The following KDM3B variants were observed in gnomAD, a reference collection of about 807,000 sequenced individuals.
KDM3B encodes lysine demethylase 3B.
A neutral mutation model predicts 170.0 loss-of-function variants in KDM3B; 10 were observed. That is an observed-to-expected ratio of 0.06 (90% CI 0.04 to 0.10). The LOEUF (loss-of-function observed/expected upper bound fraction) is 0.10, where lower values mean the gene tolerates loss of function less well. Among genes scored for constraint, KDM3B ranks in the 10% least tolerant of loss-of-function variants. The pLI, the probability that KDM3B is intolerant of heterozygous loss-of-function variation, is 1.00. For missense variants in KDM3B, 1,394 were observed against 2,195.2 expected (o/e 0.64, Z 7.29); for synonymous variants, 831 against 834.8 (o/e 1.00, Z 0.08).
At chr5:138,356,831 A>G (rs1382538761) in intron 1 of KDM3B, among the ~76,000 whole-genome samples, 2 of 151,250 alleles carry the variant, frequency 1.3e-5, no homozygotes, top group Non-Finnish European at 2.9e-5. Flanking sequence ...TTTAGTAGAG[A>G]TGGGGTTTCA....
Position 138,430,440 on chromosome 5 carries a change from G to A in KDM3B, c.5070+15G>A. ...CCCCACACCAGGTGGGTTCCTGCTT[G>A]GGGGTTGGGCTGAACAGTTCCATGG... On this transcript the variant is annotated intron_variant, in intron 22 of 23. Coordinates refer to ENST00000314358, the MANE Select transcript of KDM3B (RefSeq NM_016604.4). 1.2e-6 allele frequency: 2 copies of A among 1,612,178 alleles called. No homozygotes were observed. Among genetic ancestry groups the A allele is most frequent in the Non-Finnish European group, 8.5e-7 (1 of 1,178,432 alleles).
In KDM3B at chr5:138,352,870, G is replaced by C. The variant is rs1319797844; in HGVS notation, c.75G>C (p.Ser25=). Residue 25 remains serine, a synonymous_variant, in exon 1 of 24, where the codon TCG becomes TCC. Transcript: ENST00000314358. Reference sequence around the variant, plus strand: ...TCGCGGACACTGCGGCCTCAGCCTCGGCCTCGGCTCCCGCGGCGGCAGCGG... The same window carrying C: ...TCGCGGACACTGCGGCCTCAGCCTCCGCCTCGGCTCCCGCGGCGGCAGCGG... ...LLFADTAASA[S]ASAPAAAAAS... The C allele has an allele frequency of 7.3e-7, 1 of 1,376,932 alleles. No individual in the cohort carries two copies. Among genetic ancestry groups the C allele is most frequent in the Non-Finnish European group, 9.4e-7 (1 of 1,062,026 alleles). The allele number at this position is 1,376,932 out of a possible 1,614,324, so 85.3% of individuals were successfully genotyped here.
Position 138,419,219 on chromosome 5 carries a change from A to G in KDM3B, c.3702A>G (p.Lys1234=). 1 of 1,613,404 alleles carries G rather than the reference A, an allele frequency of 6.2e-7. No homozygotes were observed. Among genetic ancestry groups the G allele is most frequent in the Non-Finnish European group, 8.5e-7 (1 of 1,179,448 alleles). Residue 1234 remains lysine, a synonymous_variant, in exon 14 of 24, where the codon AAA becomes AAG. Transcript: ENST00000314358. ...WLADLATQKA[K]EETKEAGSLR... ...CAGATTTAGCAACTCAGAAGGCTAA[A>G]GAAGAAACAAAAGGTGAGATGCACA... is the stretch of plus-strand genomic sequence containing the variant.
chr5:138,435,854 C>T lies in KDM3B; in HGVS notation c.*154C>T. 3.2e-6 allele frequency: 2 copies of T among 625,474 alleles called. No homozygotes were observed. Among genetic ancestry groups the T allele is most frequent in the Non-Finnish European group, 2.8e-6 (1 of 353,310 alleles). The allele number at this position is 625,474 out of a possible 1,614,324, so 38.7% of individuals were successfully genotyped here. On this transcript the variant is annotated 3_prime_UTR_variant, in exon 24 of 24. Coordinates refer to ENST00000314358, the MANE Select transcript of KDM3B (RefSeq NM_016604.4). ...CTCCAGCCACTCTCTTCTACGCTGCCTCAACACTGAAGGTTGACACAGGAA... is the reference window on the plus strand; with the variant it reads ...CTCCAGCCACTCTCTTCTACGCTGCTTCAACACTGAAGGTTGACACAGGAA...
chr5:138,430,430 G>A lies in KDM3B; in HGVS notation c.5070+5G>A, dbSNP rs764470594. ...CCTGCTGGAGCCCCACACCAGGTGG[G>A]TTCCTGCTTGGGGGTTGGGCTGAAC... On this transcript the variant is annotated splice_donor_5th_base_variant and intron_variant, in intron 22 of 23. Coordinates refer to ENST00000314358, the MANE Select transcript of KDM3B (RefSeq NM_016604.4). The A allele has an allele frequency of 1.2e-6, 2 of 1,612,548 alleles. No homozygotes were observed. The highest frequency in any genetic ancestry group is 1.3e-5 in the African/African-American group (1 of 74,890).
Position 138,392,150 on chromosome 5 carries a change from C to A in KDM3B, c.2518C>A (p.His840Asn). 6.3e-7 allele frequency: 1 copy of A among 1,583,782 alleles called. No homozygotes were observed. The highest frequency in any genetic ancestry group is 8.6e-7 in the Non-Finnish European group (1 of 1,158,512). ...AKTGLKGIPE[H>N]LMGKLGPNGE... ...GACAGGCCTGAAGGGAATTCCAGAG[C>A]ACCTGATGGGGAAGCTGGGCCCCAA... Residue 840 changes from histidine (H) to asparagine (N), a missense_variant, in exon 8 of 24, where the codon CAC becomes AAC. This residue lies in a region of KDM3B where 84 missense variants were observed against 135.8 expected (regional missense o/e 0.62). Coordinates refer to ENST00000314358, the MANE Select transcript of KDM3B (RefSeq NM_016604.4).
intron 7 of KDM3B, among the ~76,000 whole-genome samples, chr5:138,389,514 T>C (rs767068787): frequency 4.6e-5 from 7 of 152,214 alleles, no homozygotes; most frequent in Admixed American, 2.0e-4. Context: ...TGGCATTTAG[T>C]ACATTTACAG....
chr5:138,395,606 T>C lies in KDM3B; in HGVS notation c.2831+2234T>C, dbSNP rs556932022. On this transcript the variant is annotated intron_variant, in intron 9 of 23. Coordinates refer to ENST00000314358, the MANE Select transcript of KDM3B (RefSeq NM_016604.4). ...AGTGAGACCCTGTCTCTACAAAAAATAATAGTAATAATAATAATTTTTTTT... is the reference window on the plus strand; with the variant it reads ...AGTGAGACCCTGTCTCTACAAAAAACAATAGTAATAATAATAATTTTTTTT... Among the ~76,000 whole-genome samples the C allele has an allele frequency of 6.0e-4, 92 of 152,100 alleles. No homozygotes were observed. The Middle Eastern group carries it at 0.01, about 17-fold the overall frequency.
intron 14 of KDM3B, among the ~76,000 whole-genome samples, chr5:138,419,720 C>T (rs1175940563): frequency 7.6e-5 from 6 of 79,244 alleles, no homozygotes; most frequent in African/African-American, 3.5e-4. Context: ...CATATATATA[C>T]ACACACATAC....
chr5:138,404,289 G>C (rs539308587), intron 11 of KDM3B, among the ~76,000 whole-genome samples: 12 of 152,150 alleles, frequency 7.9e-5, no homozygotes, highest in Non-Finnish European at 1.5e-4. Context: ...GAAACATTAA[G>C]AAAACCACAC....
At chr5:138,394,888 C>T (rs1050324320) in intron 9 of KDM3B, among the ~76,000 whole-genome samples, 14 of 151,988 alleles carry the variant, frequency 9.2e-5, no homozygotes, top group South Asian at 6.3e-4. Flanking sequence ...GCTTGGACCA[C>T]GGAGATAGTG....
intron 16 of KDM3B, 27 bp from the exon 17 acceptor site, chr5:138,425,384 C>G: frequency 6.2e-7 from 1 of 1,608,218 alleles, no homozygotes; most frequent in Non-Finnish European, 8.5e-7. Flanking sequence ...CTAGATTGCT[C>G]TGATTGGGAT....
rs186262275 is a variant in KDM3B at position 138,406,064 on chromosome 5, T to C, written c.3199+6052T>C. 3.9e-5 allele frequency among the ~76,000 whole-genome samples: 6 copies of C among 152,318 alleles called. No homozygotes were observed. In the East Asian group the frequency reaches 1.2e-3, roughly 29 times the overall value. Reference sequence around the variant, plus strand: ...AAATGAAACCAAAAAGAAATGGGACTGGCTAGGTTTGGTGGCTCACACTTG... The same window carrying C: ...AAATGAAACCAAAAAGAAATGGGACCGGCTAGGTTTGGTGGCTCACACTTG... On this transcript the variant is annotated intron_variant, in intron 11 of 23. Transcript: ENST00000314358.
intron 9 of KDM3B, among the ~76,000 whole-genome samples, chr5:138,393,965 G>A (rs895474751): frequency 6.6e-6 from 1 of 151,988 alleles, no homozygotes; most frequent in Admixed American, 6.6e-5. Flanking sequence ...ATATGGTGTG[G>A]ATTCACTTAG....
At chr5:138,398,104 T>C in intron 9 of KDM3B, 74 bp from the exon 10 acceptor site, 2 of 1,144,410 alleles carry the variant, frequency 1.7e-6, no homozygotes, top group South Asian at 3.0e-5. Flanking sequence ...TACTTCTGTT[T>C]AGGTCCCAGG....
intron 11 of KDM3B, among the ~76,000 whole-genome samples, chr5:138,406,274 G>A (rs188850788): frequency 6.6e-6 from 1 of 152,334 alleles, no homozygotes; most frequent in African/African-American, 2.4e-5. Context: ...GAGCCCAGAA[G>A]GGTGAGGCTG....
chr5:138,421,104 G>T lies in KDM3B; in HGVS notation c.3972+142G>T, dbSNP rs182407558. On this transcript the variant is annotated intron_variant, in intron 15 of 23. Coordinates refer to ENST00000314358, the MANE Select transcript of KDM3B (RefSeq NM_016604.4). ...ACAAGGTCTCTCTTTAAAGTTTTGG[G>T]AATCTTTTTAAGTAGTGAACCTTTT... The T allele has an allele frequency of 9.5e-4, 967 of 1,020,358 alleles. 9 individuals carry two copies. In the East Asian group the frequency reaches 0.014, roughly 15 times the overall value. 63.2% of individuals were successfully genotyped at this position (1,020,358 alleles called of 1,614,324 possible). A position where few individuals can be genotyped will look rare whatever the true frequency, so the allele number is the denominator to read the frequency against.
chr5:138,408,515 A>G (rs1001702737), intron 11 of KDM3B, among the ~76,000 whole-genome samples: 3 of 152,232 alleles, frequency 2.0e-5, no homozygotes, highest in Admixed American at 6.5e-5. Flanking sequence ...AATAATACCA[A>G]TTATACACAC....
At chr5:138,433,517 C>A (rs546329619) in intron 23 of KDM3B, among the ~76,000 whole-genome samples, 1 of 151,472 alleles carries the variant, frequency 6.6e-6, no homozygotes, top group Non-Finnish European at 1.5e-5. Context: ...AAGTGATTCT[C>A]CTGCCTCAGC....
Sources: gnomAD v4.1 joint callset for allele counts (sites outside exome capture counted in the v4.1 genomes callset) on GRCh38, gnomAD v4.1.1 for gene constraint, gnomAD v4.1.1 regional missense constraint, MANE v1.5 for transcripts, NCBI Gene and HGNC (gene_info 2026-07-23, HGNC 2026-07-21) for gene names.